EFHD1: variants seen among roughly 807,000 people sequenced by gnomAD.
EFHD1 encodes EF-hand domain-containing protein D1.
A neutral mutation model predicts 17.2 loss-of-function variants in EFHD1; 10 were observed. The ratio of observed to expected loss-of-function variants is 0.58; its 90% confidence interval spans 0.36 to 0.99. The LOEUF (loss-of-function observed/expected upper bound fraction) is 0.99. Among genes scored for constraint, EFHD1 ranks in the 50% least tolerant of loss-of-function variants. EFHD1 has a pLI of 0.01. For missense variants in EFHD1, 310 were observed against 327.5 expected (o/e 0.95, Z 0.41); for synonymous variants, 153 against 142.0 (o/e 1.08, Z -0.55).
At chr2:232,629,960 G>T (rs1025664196), upstream of EFHD1, among the ~76,000 whole-genome samples, 3 of 150,974 alleles carry the variant, frequency 2.0e-5, no homozygotes, top group Non-Finnish European at 4.4e-5. Context: ...TTGTTTGTTT[G>T]TTTGTTTGTT....
intron 1 of EFHD1, among the ~76,000 whole-genome samples, chr2:232,653,818 C>G (rs1318901496): frequency 3.3e-5 from 5 of 152,212 alleles, no homozygotes; most frequent in Non-Finnish European, 7.3e-5. Context: ...ACCAATGGCC[C>G]TTTTCCTTCT....
chr2:232,636,571 A>G (rs1694323144), intron 1 of EFHD1, among the ~76,000 whole-genome samples: 2 of 152,142 alleles, frequency 1.3e-5, no homozygotes, highest in Non-Finnish European at 2.9e-5. Context: ...CACACCTGTA[A>G]TCGCAGCACT....
chr2:232,666,007 G>T (rs1317943985), intron 2 of EFHD1, among the ~76,000 whole-genome samples: 1 of 152,210 alleles, frequency 6.6e-6, no homozygotes, highest in Non-Finnish European at 1.5e-5. Flanking sequence ...TTTCTGATGT[G>T]AGACTTTGGG....
rs1468009767 is a variant in EFHD1, at chr2:232,679,899, A to G, written c.586-1686A>G. 3.3e-5 allele frequency among the ~76,000 whole-genome samples: 5 copies of G among 152,118 alleles called. No homozygotes were observed. The East Asian group carries it at 9.6e-4, about 29-fold the overall frequency. ...GATAACCTTGGCAAGGTTGTGGGGA[A>G]ATGAGAGCTTCCAGTTCATGATTGT... is the stretch of plus-strand genomic sequence containing the variant. On this transcript the variant is annotated intron_variant, in intron 3 of 3. Coordinates refer to ENST00000264059, the MANE Select transcript of EFHD1 (RefSeq NM_025202.4).
intron 2 of EFHD1, 129 bp downstream of exon 2, chr2:232,663,078 C>T (rs1694905579): frequency 8.1e-6 from 9 of 1,109,744 alleles, no homozygotes; most frequent in Admixed American, 4.2e-5. Context: ...CCTGCAATTC[C>T]GCTTTCAAAA....
intron 1 of EFHD1, among the ~76,000 whole-genome samples, chr2:232,620,552 A>ATT (rs35098973): frequency 6.8e-6 from 1 of 147,366 alleles, no homozygotes; most frequent in African/African-American, 2.5e-5. Flanking sequence ...CTCCTGTCTG[A>ATT]TTTTTTTTTT....
chr2:232,646,565 C>G (rs1255626144), intron 1 of EFHD1, among the ~76,000 whole-genome samples: 1 of 151,074 alleles, frequency 6.6e-6, no homozygotes, highest in African/African-American at 2.4e-5. Context: ...CTGCCTCAGC[C>G]TCCTGAGTAG....
intron 1 of EFHD1, among the ~76,000 whole-genome samples, chr2:232,639,891 C>G (rs1378562233): frequency 1.3e-5 from 2 of 152,290 alleles, no homozygotes; most frequent in Middle Eastern, 3.4e-3. Flanking sequence ...TGCCTACCTG[C>G]GTGCTCACAC....
At position 232,681,803 on chromosome 2, in the gene EFHD1, C is replaced by T. The variant is rs1015414355; in HGVS notation, c.*84C>T. 2.6e-5 allele frequency: 39 copies of T among 1,513,952 alleles called. No homozygotes were observed. In the Admixed American group the frequency reaches 2.9e-4, roughly 11 times the overall value. 93.8% of individuals were successfully genotyped at this position (1,513,952 alleles called of 1,614,324 possible). On this transcript the variant is annotated 3_prime_UTR_variant, in exon 4 of 4. Transcript: ENST00000264059. ...GACTAGGCATCTTCATCACTGCTGT[C>T]GGTCCCCTCCCTGAGCCAGCATCTC...
intron 1 of EFHD1, among the ~76,000 whole-genome samples, chr2:232,613,381 G>A (rs371455139): frequency 8.6e-5 from 13 of 152,022 alleles, no homozygotes; most frequent in African/African-American, 2.9e-4. Flanking sequence ...CCGAGATCAC[G>A]CCCCTGCACT....
intron 1 of EFHD1, among the ~76,000 whole-genome samples, chr2:232,628,100 G>A (rs113861287): frequency 0.042 from 6,455 of 152,030 alleles, 144 homozygotes; most frequent in South Asian, 0.082. Context: ...TCACTCTGTC[G>A]CCCAGGTTGG....
At chr2:232,628,207 C>T (rs971724052) in intron 1 of EFHD1, among the ~76,000 whole-genome samples, 50 of 152,026 alleles carry the variant, frequency 3.3e-4, no homozygotes, top group Non-Finnish European at 1.5e-4. Flanking sequence ...ATTACAGGCA[C>T]CTGCCACCAA....
intron 1 of EFHD1, among the ~76,000 whole-genome samples, chr2:232,614,105 A>G (rs963363032): frequency 2.1e-5 from 2 of 96,758 alleles, no homozygotes; most frequent in African/African-American, 7.0e-5. Flanking sequence ...ATACACATGT[A>G]TTATACACAC....
intron 1 of EFHD1, chr2:232,606,787 G>A (rs1693721215): frequency 6.6e-6 from 1 of 152,108 alleles, no homozygotes; most frequent in Admixed American, 6.5e-5. Context: ...CTACTGGGGA[G>A]GCTGAGGTAG....
intron 1 of EFHD1, among the ~76,000 whole-genome samples, chr2:232,616,765 T>A (rs1167718396): frequency 6.6e-6 from 1 of 152,222 alleles, no homozygotes; most frequent in Non-Finnish European, 1.5e-5. Flanking sequence ...TGCACAGTAA[T>A]GTGGATGTAC....
At chr2:232,657,898 T>C (rs1389726362) in intron 1 of EFHD1, among the ~76,000 whole-genome samples, 7 of 129,904 alleles carry the variant, frequency 5.4e-5, no homozygotes, top group Non-Finnish European at 8.7e-5. Flanking sequence ...TTCTTTCTTT[T>C]CTTTTTTTTT....
At chr2:232,679,320 TG>T (rs1695232932) in intron 3 of EFHD1, among the ~76,000 whole-genome samples, 1 of 151,978 alleles carries the variant, frequency 6.6e-6, no homozygotes, top group Non-Finnish European at 1.5e-5. Context: ...AGCAAAAAAC[TG>T]GGAGAAAGGA....
At chr2:232,661,747 A>G (rs1694872232) in intron 1 of EFHD1, 1 of 122,644 alleles carries the variant, frequency 8.2e-6, no homozygotes, top group Non-Finnish European at 2.0e-5. Flanking sequence ...TTTAGTAGAA[A>G]CAGGGTTTCA....
chr2:232,660,286 C>A (rs1694837317), intron 1 of EFHD1, among the ~76,000 whole-genome samples: 2 of 152,032 alleles, frequency 1.3e-5, no homozygotes, highest in African/African-American at 2.4e-5. Flanking sequence ...GCTCCGCCTC[C>A]TGGGTTCATG....
Sources: allele counts gnomAD v4.1 joint callset (sites outside exome capture counted in the v4.1 genomes callset), GRCh38; gene constraint gnomAD v4.1.1; transcripts MANE v1.5; gene names NCBI Gene and HGNC (gene_info 2026-07-23, HGNC 2026-07-21).